Variants in TMLHE observed in about 807,000 individuals in gnomAD.
TMLHE encodes the protein trimethyllysine dioxygenase, mitochondrial.
A neutral mutation model predicts 25.7 loss-of-function variants in TMLHE; 18 were observed. The ratio of observed to expected loss-of-function variants is 0.70; its 90% CI spans 0.48 to 1.04. The LOEUF (loss-of-function observed/expected upper bound fraction) is 1.04. Among genes scored for constraint, TMLHE ranks in the 50% least tolerant of loss-of-function variants. TMLHE has a pLI of 0.00. For missense variants in TMLHE, 236 were observed against 259.0 expected, an observed-to-expected ratio of 0.91 and a Z score of 0.61; for synonymous variants, 105 against 97.0, an observed-to-expected ratio of 1.08 and a Z score of -0.49.
rs1216181628 is a variant in TMLHE, at chrX:155,562,595, C to T, written c.-1-17318G>A. On this transcript the variant is annotated intron_variant, in intron 1 of 7. Coordinates refer to ENST00000334398, the MANE Select transcript of TMLHE (RefSeq NM_018196.4). ...GGTTTTTTCCTTTCTATCATATATT[C>T]AGGCTGCAAATTTGCCAAACTTCTA... is the stretch of plus-strand genomic sequence containing the variant. Among the ~76,000 whole-genome samples the T allele has an allele frequency of 3.2e-4, 20 of 61,985 alleles. 2 individuals are homozygous for T. The highest frequency in any genetic ancestry group is 7.2e-4 in the African/African-American group (20 of 27,948). 53.8% of individuals were successfully genotyped at this position (61,985 alleles called of 115,157 possible).
At chrX:155,603,283 C>G (rs1340580929) in intron 1 of TMLHE, among the ~76,000 whole-genome samples, 2 of 109,671 alleles carry the variant, frequency 1.8e-5, no homozygotes, top group East Asian at 5.7e-4. Context: ...TGAGCTGCAA[C>G]TGTGTCACTG....
chrX:155,563,424 T>C (rs2067503136), intron 1 of TMLHE, among the ~76,000 whole-genome samples: 1 of 61,802 alleles, frequency 1.6e-5, no homozygotes, highest in Non-Finnish European at 4.5e-5. Context: ...TCAATCACTT[T>C]CCATCAGGCC....
intron 1 of TMLHE, among the ~76,000 whole-genome samples, chrX:155,553,570 C>T (rs1232453545): frequency 1.8e-5 from 2 of 109,520 alleles, no homozygotes; most frequent in Non-Finnish European, 3.8e-5. Flanking sequence ...TTTTATATAT[C>T]TCTTATAAAC....
intron 1 of TMLHE, among the ~76,000 whole-genome samples, chrX:155,604,062 G>A (rs1557347614): frequency 8.9e-6 from 1 of 111,840 alleles, no homozygotes; most frequent in African/African-American, 3.3e-5. Context: ...ATACAGAATA[G>A]AGCCAAGTCT....
At chrX:155,537,714 T>G (rs1557337773) in intron 2 of TMLHE, among the ~76,000 whole-genome samples, 1 of 110,855 alleles carries the variant, frequency 9.0e-6, no homozygotes, top group African/African-American at 3.3e-5. Flanking sequence ...CCTGCAAACA[T>G]TCTTAACTTC....
chrX:155,508,682 G>T (rs1190806590), intron 5 of TMLHE, among the ~76,000 whole-genome samples: 1 of 110,852 alleles, frequency 9.0e-6, no homozygotes, highest in Non-Finnish European at 1.9e-5. Flanking sequence ...AAATTTAGTA[G>T]TGGTTAATGG....
chrX:155,578,363 G>A (rs782643163), intron 1 of TMLHE, among the ~76,000 whole-genome samples: 2 of 111,464 alleles, frequency 1.8e-5, no homozygotes, highest in African/African-American at 6.5e-5. Context: ...CCAGTCCTAT[G>A]CCCCCAGTAC....
chrX:155,507,144 G>A lies in TMLHE; in HGVS notation c.759-10C>T, dbSNP rs1557332808. ...ATGAAACACTTGAATGCTAAAGAGA[G>A]AAAAGAAAATTCTTCTGTTCAGTGG... On this transcript the variant is annotated splice_polypyrimidine_tract_variant and intron_variant, in intron 5 of 7. Transcript: ENST00000334398. 1 of 1,152,146 alleles carries A rather than the reference G, an allele frequency of 8.7e-7. No individual in the cohort carries two copies. The highest frequency in any genetic ancestry group is 1.8e-5 in the African/African-American group (1 of 56,420). The allele number at this position is 1,152,146 out of a possible 1,213,427, so 94.9% of individuals were successfully genotyped here.
intron 1 of TMLHE, chrX:155,611,757 C>T (rs2067823702): frequency 8.9e-6 from 1 of 111,784 alleles, no homozygotes. Context: ...ATTATCATTA[C>T]CACCAGTTCC....
At chrX:155,539,220 T>C (rs781929981) in intron 2 of TMLHE, among the ~76,000 whole-genome samples, 4 of 111,576 alleles carry the variant, frequency 3.6e-5, no homozygotes, top group South Asian at 3.8e-4. Flanking sequence ...ATCTAAAAGA[T>C]TGGTTTCTGT....
intron 1 of TMLHE, among the ~76,000 whole-genome samples, chrX:155,549,398 G>A (rs1160016006): frequency 1.8e-5 from 2 of 109,836 alleles, no homozygotes; most frequent in Non-Finnish European, 3.8e-5. Context: ...GGTTGGGGAA[G>A]TTTCCTTCAA....
chrX:155,583,950 A>G (rs2067648744), intron 1 of TMLHE, among the ~76,000 whole-genome samples: 1 of 111,639 alleles, frequency 9.0e-6, no homozygotes, highest in Admixed American at 9.6e-5. Context: ...TCATATATTT[A>G]TACAAATAAA....
chrX:155,560,206 T>C (rs1423047635), intron 1 of TMLHE, among the ~76,000 whole-genome samples: 3 of 111,698 alleles, frequency 2.7e-5, no homozygotes, highest in Non-Finnish European at 5.7e-5. Flanking sequence ...CTGCTTACCA[T>C]GCTCTCCCCT....
intron 1 of TMLHE, among the ~76,000 whole-genome samples, chrX:155,583,000 T>G (rs1413337257): frequency 1.8e-5 from 2 of 111,979 alleles, no homozygotes; most frequent in East Asian, 5.6e-4. Context: ...CCATAAAAAA[T>G]GATGAGTTCA....
intron 1 of TMLHE, among the ~76,000 whole-genome samples, chrX:155,566,693 G>C (rs1279540957): frequency 1.6e-5 from 1 of 61,519 alleles, no homozygotes; most frequent in African/African-American, 3.6e-5. Flanking sequence ...TACACGCTGA[G>C]AGAGTAGGTA....
At chrX:155,605,045 G>C (rs1557347694) in intron 1 of TMLHE, among the ~76,000 whole-genome samples, 2 of 111,640 alleles carry the variant, frequency 1.8e-5, no homozygotes, top group Admixed American at 9.5e-5. Context: ...CCCCAGCAAG[G>C]ATTCTTAACC....
chrX:155,547,175 T>G (rs191988264), intron 1 of TMLHE, among the ~76,000 whole-genome samples: 6 of 104,125 alleles, frequency 5.8e-5, no homozygotes, highest in Non-Finnish European at 1.0e-4. Context: ...GACGGAGTCT[T>G]GCTCTGTCGC....
intron 5 of TMLHE, 55 bp downstream of exon 5, chrX:155,511,618 C>G: frequency 9.1e-7 from 1 of 1,093,277 alleles, no homozygotes; most frequent in Non-Finnish European, 1.2e-6. Context: ...ATTAAGAAAC[C>G]ACTCAAGACT....
chrX:155,559,840 C>G (rs2067482628), intron 1 of TMLHE, among the ~76,000 whole-genome samples: 1 of 112,114 alleles, frequency 8.9e-6, no homozygotes, highest in South Asian at 3.7e-4. Flanking sequence ...CATCCATATT[C>G]CAATCCATTG....
Sources: gnomAD v4.1 joint callset for allele counts (sites outside exome capture counted in the v4.1 genomes callset) on GRCh38, gnomAD v4.1.1 for gene constraint, MANE v1.5 for transcripts, NCBI Gene and HGNC (gene_info 2026-07-23, HGNC 2026-07-21) for gene names.